Variants in GPR160 observed in about 807,000 individuals in gnomAD.
The protein encoded by GPR160 is probable G protein-coupled receptor 160.
Under a neutral mutation model 2.6 loss-of-function variants are expected in GPR160, and 2 were observed. The observed-to-expected ratio is 0.77, with a 90% CI of 0.32 to 2.44. GPR160 has a LOEUF of 2.44. GPR160 is among the 30% of genes most tolerant of loss of function. The pLI is 0.11. For synonymous variants in GPR160, 130 were observed against 132.2 expected, an observed-to-expected ratio of 0.98 and a Z score of 0.12; for missense variants, 351 against 383.6, an observed-to-expected ratio of 0.91 and a Z score of 0.71.
At chr3:170,058,797 C>T (rs1711779654) in intron 2 of GPR160, among the ~76,000 whole-genome samples, 1 of 152,144 alleles carries the variant, frequency 6.6e-6, no homozygotes, top group African/African-American at 2.4e-5. Flanking sequence ...TTGGAAACAA[C>T]CTTTATGTCC....
At chr3:170,075,331 C>T (rs1712800065) in intron 2 of GPR160, among the ~76,000 whole-genome samples, 1 of 152,020 alleles carries the variant, frequency 6.6e-6, no homozygotes, top group Non-Finnish European at 1.5e-5. Flanking sequence ...TGAGTTTTAC[C>T]AATATTCTTA....
At chr3:170,058,848 A>T (rs993409172) in intron 2 of GPR160, among the ~76,000 whole-genome samples, 1 of 152,248 alleles carries the variant, frequency 6.6e-6, no homozygotes, top group African/African-American at 2.4e-5. Flanking sequence ...GTATATCTAC[A>T]TAATGCAGCC....
At chr3:170,066,136 T>C (rs58641042) in intron 2 of GPR160, among the ~76,000 whole-genome samples, 1,184 of 57,334 alleles carry the variant, frequency 0.021, 29 homozygotes, top group African/African-American at 0.035. Context: ...TTTTCTTTTT[T>C]TTTTTTTTTT....
At chr3:170,059,379 A>G (rs751112289) in intron 2 of GPR160, among the ~76,000 whole-genome samples, 30 of 152,228 alleles carry the variant, frequency 2.0e-4, no homozygotes, top group Non-Finnish European at 2.5e-4. Flanking sequence ...CTCAGACTGT[A>G]TAAGCTTAGT....
At chr3:170,054,705 T>C (rs1711543789) in intron 2 of GPR160, among the ~76,000 whole-genome samples, 5 of 152,222 alleles carry the variant, frequency 3.3e-5, no homozygotes, top group Non-Finnish European at 1.5e-5. Flanking sequence ...ATATATGGGA[T>C]CATATGATAT....
chr3:170,062,520 C>G, intron 2 of GPR160: 1 of 650,096 alleles, frequency 1.5e-6, no homozygotes, highest in Non-Finnish European at 2.8e-6. Flanking sequence ...GAATGCAACA[C>G]GGAGCACGAA....
At chr3:170,066,130 CTTTTTTTTTTTTTTT>C in intron 2 of GPR160, among the ~76,000 whole-genome samples, 1 of 85,210 alleles carries the variant, frequency 1.2e-5, no homozygotes, top group Non-Finnish European at 2.1e-5. Context: ...TTTTCTTTTT[CTTTTTTTTTTTTTTT>C]TTTTTTTTTT....
chr3:170,076,835 C>CAACTGGCCGG (rs377272448), intron 2 of GPR160, among the ~76,000 whole-genome samples: 62 of 152,308 alleles, frequency 4.1e-4, no homozygotes, highest in African/African-American at 1.3e-3. Context: ...TGAGCCACCA[C>CAACTGGCCGG]ATGTTGGTTT....
intron 2 of GPR160, among the ~76,000 whole-genome samples, chr3:170,075,078 A>G (rs1712784445): frequency 6.6e-6 from 1 of 152,058 alleles, no homozygotes; most frequent in Admixed American, 6.5e-5. Context: ...AATAACAAAA[A>G]TTAGCCAGGC....
intron 2 of GPR160, among the ~76,000 whole-genome samples, chr3:170,045,404 A>T (rs1056980209): frequency 2.0e-5 from 2 of 99,598 alleles, no homozygotes; most frequent in African/African-American, 7.8e-5. Context: ...CTCTACTAAA[A>T]ATACAAAAAA....
intron 2 of GPR160, among the ~76,000 whole-genome samples, chr3:170,068,088 T>C (rs755568129): frequency 6.6e-6 from 1 of 152,182 alleles, no homozygotes; most frequent in Non-Finnish European, 1.5e-5. Context: ...TGTTGCAAGA[T>C]GGTGGAATTC....
In GPR160 at chr3:170,084,400, T is replaced by A. The variant is rs1314204576; in HGVS notation, c.428T>A (p.Val143Glu). ...KCQKLFYFFT[V>E]ILIWISVLAY... The stretch of plus-strand genomic sequence containing the variant: ...CAAAAATTATTTTATTTCTTTACAG[T>A]AATTTTAATTTGGATTTCAGTCCTT... Residue 143 changes from valine to glutamate, a missense_variant, in exon 4 of 4, where the codon GTA becomes GAA. Coordinates refer to ENST00000355897, the MANE Select transcript of GPR160 (RefSeq NM_014373.3). 5 of 1,605,626 alleles carry A rather than the reference T, an allele frequency of 3.1e-6. No individual in the cohort carries two copies. In the South Asian group the frequency reaches 4.4e-5, roughly 14 times the overall value.
chr3:170,060,196 A>C (rs1711868469), intron 2 of GPR160, among the ~76,000 whole-genome samples: 2 of 152,366 alleles, frequency 1.3e-5, no homozygotes, highest in South Asian at 4.1e-4. Flanking sequence ...GAAAATTTTA[A>C]GCATTCAAAA....
chr3:170,078,484 A>G (rs1352626305), intron 2 of GPR160, among the ~76,000 whole-genome samples: 1 of 152,226 alleles, frequency 6.6e-6, no homozygotes, highest in Non-Finnish European at 1.5e-5. Context: ...CTGGTAATGC[A>G]AGATCAACAA....
chr3:170,075,940 T>G (rs1173773012), intron 2 of GPR160, among the ~76,000 whole-genome samples: 3 of 152,234 alleles, frequency 2.0e-5, no homozygotes, highest in Non-Finnish European at 2.9e-5. Context: ...TTCTTGGTTA[T>G]GTTCTACCTT....
intron 2 of GPR160, chr3:170,063,185 T>C (rs1363601547): frequency 6.5e-6 from 1 of 153,576 alleles, no homozygotes; most frequent in Non-Finnish European, 1.4e-5. Context: ...TGTGCCTTTT[T>C]TTTTTTTTTT....
At chr3:170,054,726 C>T (rs10433356) in intron 2 of GPR160, among the ~76,000 whole-genome samples, 41,015 of 151,848 alleles carry the variant, frequency 0.27, 6,268 homozygotes, top group East Asian at 0.51. Context: ...TTGTCATCTT[C>T]TGTCTGCTTA....
In GPR160 at chr3:170,038,907, C is replaced by T. The variant is rs532407115; in HGVS notation, c.-321-8C>T. On this transcript the variant is annotated splice_region_variant and splice_polypyrimidine_tract_variant and intron_variant, in intron 1 of 3. Coordinates refer to ENST00000355897, the MANE Select transcript of GPR160 (RefSeq NM_014373.3). The surrounding 1 kb of genome is among the most constrained non-coding windows in gnomAD (Gnocchi z 5.3). ...CGGAGACTGAAACTCCTTTTCTCACCTGCGCAGGTGGCCTCGAGGTGGTGG... is the reference window on the plus strand; with the variant it reads ...CGGAGACTGAAACTCCTTTTCTCACTTGCGCAGGTGGCCTCGAGGTGGTGG... The T allele has an allele frequency of 6.6e-6, 1 of 152,162 alleles. No homozygotes were observed. Among genetic ancestry groups the T allele is most frequent in the African/African-American group, 2.4e-5 (1 of 41,548 alleles). 9.4% of individuals were successfully genotyped at this position (152,162 alleles called of 1,614,324 possible). A position where few individuals can be genotyped will look rare whatever the true frequency, so the allele number is the denominator to read the frequency against.
intron 2 of GPR160, among the ~76,000 whole-genome samples, chr3:170,055,490 CAG>C (rs148742510): frequency 0.016 from 2,391 of 152,280 alleles, 80 homozygotes; most frequent in African/African-American, 0.055. Context: ...AGTGGGGTCT[CAG>C]GGACTATTGA....
Sources: gnomAD v4.1 joint callset for allele counts (sites outside exome capture counted in the v4.1 genomes callset) on GRCh38, gnomAD v4.1.1 for gene constraint, Gnocchi (gnomAD v3.1) non-coding constraint, MANE v1.5 for transcripts, NCBI Gene and HGNC (gene_info 2026-07-23, HGNC 2026-07-21) for gene names.